The following DRG1 variants were observed in gnomAD, a reference collection of about 807,000 sequenced individuals.
The protein encoded by DRG1 is developmentally regulated GTP binding protein 1.
A neutral mutation model predicts 38.8 loss-of-function variants in DRG1; 19 were observed. That is an observed-to-expected ratio of 0.49 (90% CI 0.34 to 0.72). The LOEUF is 0.72. Ranked by LOEUF, DRG1 falls within the 30% of genes least tolerant of loss-of-function variation. The pLI, the probability that DRG1 is intolerant of heterozygous loss-of-function variation, is 0.01. For missense variants in DRG1, 299 were observed against 444.8 expected (o/e 0.67, Z 2.95); for synonymous variants, 167 against 157.5 (o/e 1.06, Z -0.45).
chr22:31,419,043 G>A (rs761243378), intron 4 of DRG1, among the ~76,000 whole-genome samples: 40 of 152,116 alleles, frequency 2.6e-4, no homozygotes, highest in Non-Finnish European at 5.1e-4. Context: ...TCAAGCTCCT[G>A]ACCTCAGGTG....
chr22:31,430,042 G>C (rs1268257667), intron 8 of DRG1, among the ~76,000 whole-genome samples: 1 of 152,076 alleles, frequency 6.6e-6, no homozygotes, highest in Non-Finnish European at 1.5e-5. Context: ...AGGATTACAG[G>C]CATCAGCCAC....
intron 1 of DRG1, among the ~76,000 whole-genome samples, chr22:31,400,176 T>TA (rs2049953053): frequency 6.6e-6 from 1 of 152,072 alleles, no homozygotes; most frequent in Admixed American, 6.6e-5. Flanking sequence ...TCTACCCTAA[T>TA]GACCCCCTGA....
intron 4 of DRG1, among the ~76,000 whole-genome samples, chr22:31,414,208 G>C (rs1054008900): frequency 6.6e-6 from 1 of 152,022 alleles, no homozygotes; most frequent in African/African-American, 2.4e-5. Flanking sequence ...CTAGTTCTTT[G>C]GTTTTAAATG....
intron 4 of DRG1, among the ~76,000 whole-genome samples, chr22:31,417,874 C>T (rs1164468223): frequency 2.0e-5 from 3 of 151,298 alleles, no homozygotes; most frequent in Non-Finnish European, 4.4e-5. Flanking sequence ...CCTGTAATCC[C>T]AGCTACTTGG....
intron 3 of DRG1, among the ~76,000 whole-genome samples, chr22:31,407,949 T>C (rs1346732084): frequency 6.0e-5 from 9 of 149,472 alleles, no homozygotes; most frequent in Non-Finnish European, 1.3e-4. Flanking sequence ...GGTGAAACCC[T>C]GTCTCTACTA....
At chr22:31,433,843 ACT>A in intron 8 of DRG1, 27 bp from the exon 9 acceptor site, 4 of 1,604,476 alleles carry the variant, frequency 2.5e-6, no homozygotes, top group Non-Finnish European at 3.4e-6. Flanking sequence ...TATTATTTAC[ACT>A]GACTGTTCTT....
In DRG1 at chr22:31,426,493, C is replaced by T. The variant is rs1156840497; in HGVS notation, c.714-122C>T. The T allele has an allele frequency of 1.0e-5, 8 of 765,230 alleles. 1 individual carries two copies. In the South Asian group the frequency reaches 1.7e-4, roughly 17 times the overall value. The allele number at this position is 765,230 out of a possible 1,614,324, so 47.4% of individuals were successfully genotyped here. ...TTTCTTTTTTCTTTTTCTGGCTGATCTGCTACTTACAGTCCCTCTTGGGAG... is the reference window on the plus strand; with the variant it reads ...TTTCTTTTTTCTTTTTCTGGCTGATTTGCTACTTACAGTCCCTCTTGGGAG... On this transcript the variant is annotated intron_variant, in intron 6 of 8. Transcript: ENST00000331457.
intron 2 of DRG1, among the ~76,000 whole-genome samples, chr22:31,401,661 T>G (rs1040227322): frequency 2.7e-5 from 4 of 150,288 alleles, no homozygotes; most frequent in Non-Finnish European, 4.4e-5. Flanking sequence ...GAGGCTGAGT[T>G]GGGAGGACTG....
chr22:31,427,600 G>A (rs1045744993), intron 8 of DRG1, among the ~76,000 whole-genome samples: 3 of 152,162 alleles, frequency 2.0e-5, no homozygotes, highest in African/African-American at 4.8e-5. Context: ...CGACGGTCTT[G>A]CTGTTGCCTT....
At chr22:31,399,835 G>T in intron 1 of DRG1, 110 bp downstream of exon 1, 2 of 1,525,300 alleles carry the variant, frequency 1.3e-6, no homozygotes, top group South Asian at 1.1e-5. Flanking sequence ...TAGATTCCGC[G>T]ACTTCTCTCA....
chr22:31,429,000 C>G (rs1360618921), intron 8 of DRG1, among the ~76,000 whole-genome samples: 1 of 151,856 alleles, frequency 6.6e-6, no homozygotes, highest in Non-Finnish European at 1.5e-5. Context: ...GGGTGGGTTT[C>G]TCTGCCGTGA....
chr22:31,432,775 G>A (rs554874959), intron 8 of DRG1, among the ~76,000 whole-genome samples: 1 of 152,058 alleles, frequency 6.6e-6, no homozygotes, highest in African/African-American at 2.4e-5. Context: ...TAGCCATGCT[G>A]GTCTCGAACT....
intron 6 of DRG1, among the ~76,000 whole-genome samples, chr22:31,423,933 C>T (rs1201265617): frequency 3.4e-5 from 5 of 147,574 alleles, no homozygotes; most frequent in Middle Eastern, 3.6e-3. Flanking sequence ...GGCGCAGTCT[C>T]GGCTCACTGC....
rs753994601 is a variant in DRG1, at chr22:31,427,014, G to C, written c.882-46G>C. ...GAGGGTTGCTATACATTCAACACAT[G>C]AGATAGTCTAAGAAGGCAGTAATCT... is the stretch of plus-strand genomic sequence containing the variant. On this transcript the variant is annotated intron_variant, in intron 7 of 8. Transcript: ENST00000331457. The C allele has an allele frequency of 1.5e-5, 24 of 1,610,956 alleles. No individual in the cohort carries two copies. The Middle Eastern group carries it at 6.6e-4, about 44-fold the overall frequency.
chr22:31,424,500 T>TC (rs1476978143), intron 6 of DRG1, among the ~76,000 whole-genome samples: 1 of 136,860 alleles, frequency 7.3e-6, no homozygotes, highest in Non-Finnish European at 1.6e-5. Flanking sequence ...TTTTTTTTTT[T>TC]TTTTTTTTTT....
intron 2 of DRG1, among the ~76,000 whole-genome samples, chr22:31,401,781 C>T (rs1289818686): frequency 2.0e-5 from 3 of 151,906 alleles, no homozygotes; most frequent in Non-Finnish European, 2.9e-5. Context: ...GGGCCAGGCG[C>T]GGTGGCTCAC....
chr22:31,429,084 T>C (rs2050125944), intron 8 of DRG1, among the ~76,000 whole-genome samples: 1 of 152,178 alleles, frequency 6.6e-6, no homozygotes. Flanking sequence ...CTTTTTCTCT[T>C]CAAATTTTTG....
chr22:31,408,740 G>A (rs1469318581), intron 3 of DRG1, among the ~76,000 whole-genome samples: 6 of 114,208 alleles, frequency 5.3e-5, no homozygotes, highest in Non-Finnish European at 6.8e-5. Flanking sequence ...GCGATAGAGC[G>A]AGACTCATTC....
intron 8 of DRG1, among the ~76,000 whole-genome samples, chr22:31,428,139 A>C (rs1486311548): frequency 6.6e-6 from 1 of 152,240 alleles, no homozygotes; most frequent in Non-Finnish European, 1.5e-5. Flanking sequence ...GGTGTGAGCC[A>C]CTATGCCCAG....
Sources: allele counts gnomAD v4.1 joint callset (sites outside exome capture counted in the v4.1 genomes callset), GRCh38; gene constraint gnomAD v4.1.1; transcripts MANE v1.5; gene names NCBI Gene and HGNC (gene_info 2026-07-23, HGNC 2026-07-21).